VWDE: variants seen among roughly 807,000 people sequenced by gnomAD.
The protein encoded by VWDE is von Willebrand factor D and EGF domains, also known as von Willebrand factor D and EGF domain-containing protein.
A neutral mutation model predicts 178.4 loss-of-function variants in VWDE; 207 were observed. That is an observed-to-expected ratio of 1.16 (90% CI 1.04 to 1.30). The LOEUF (loss-of-function observed/expected upper bound fraction) is 1.30. Ranked by LOEUF, VWDE falls within the 50% of genes most tolerant of loss-of-function variation. The pLI, the probability that VWDE is intolerant of heterozygous loss-of-function variation, is 0.00. For missense variants in VWDE, 2,287 were observed against 1,901.3 expected, an observed-to-expected ratio of 1.20 and a Z score of -3.77; for synonymous variants, 738 against 651.4, an observed-to-expected ratio of 1.13 and a Z score of -2.02.
intron 1 of VWDE, among the ~76,000 whole-genome samples, chr7:12,395,437 G>A (rs1241679667): frequency 6.6e-6 from 1 of 152,060 alleles, no homozygotes; most frequent in Non-Finnish European, 1.5e-5. Context: ...TTTATTTTGT[G>A]TAGTATTCCT....
chr7:12,370,379 G>C lies in VWDE; in HGVS notation c.1927C>G (p.Arg643Gly), dbSNP rs1034078955. 18 of 1,550,530 alleles carry C rather than the reference G, an allele frequency of 1.2e-5. 1 individual carries two copies. The highest frequency in any genetic ancestry group is 1.5e-5 in the Non-Finnish European group (17 of 1,146,836). The change falls in exon 12 of 29, where the codon CGA becomes GGA. Residue 643 changes from arginine to glycine, a missense_variant. Arg to Gly is a moderately radical substitution (Grantham distance 125). Transcript: ENST00000275358. The stretch of plus-strand genomic sequence containing the variant: ...TTGCAACCCAAGGCAATTTCTGATC[G>C]AGAAACACTGTCCAGATCTTCGGAA... ...PSSEDLDSVS[R>G]SEIALGCKDL...
intron 12 of VWDE, among the ~76,000 whole-genome samples, chr7:12,367,834 A>T (rs1583312810): frequency 6.6e-6 from 1 of 152,172 alleles, no homozygotes. Context: ...GGCTTGTGCC[A>T]TATAGCTGGG....
chr7:12,355,847 C>G (rs1404802002), intron 18 of VWDE, among the ~76,000 whole-genome samples: 2 of 152,018 alleles, frequency 1.3e-5, no homozygotes, highest in Non-Finnish European at 1.5e-5. Flanking sequence ...CTACCAAATA[C>G]AGGTAGGAAT....
chr7:12,396,350 T>C (rs947820151), intron 1 of VWDE, among the ~76,000 whole-genome samples: 2 of 149,496 alleles, frequency 1.3e-5, no homozygotes, highest in African/African-American at 4.8e-5. Context: ...TTTTAAGAGA[T>C]AAACATGCAT....
At position 12,337,224 on chromosome 7, in the gene VWDE, T is replaced by G. The variant is rs1210588169; in HGVS notation, c.4415A>C (p.Asn1472Thr). 7.1e-6 allele frequency: 11 copies of G among 1,551,892 alleles called. No homozygotes were observed. The highest frequency in any genetic ancestry group is 1.2e-5 in the South Asian group (1 of 84,070). The change falls in exon 25 of 29, where the codon AAT becomes ACT. Residue 1472 changes from asparagine (N) to threonine (T), a missense_variant. Physicochemically the swap from Asn to Thr is moderately conservative, Grantham distance 65. Coordinates refer to ENST00000275358, the MANE Select transcript of VWDE (RefSeq NM_001135924.3). The part of the protein sequence containing the change: ...CKNGGHCMRN[N>T]VCVCREGYTG... ...GTATCCTTCACGACAGACGCACACA[T>G]TATTTCTCATGCAGTGGCCACCATT...
chr7:12,378,802 C>T (rs1232153439), intron 6 of VWDE, among the ~76,000 whole-genome samples: 1 of 152,190 alleles, frequency 6.6e-6, no homozygotes, highest in Non-Finnish European at 1.5e-5. Flanking sequence ...CAGGGTTTAT[C>T]CTGGTCCTGA....
chr7:12,396,908 C>T (rs1019116921), intron 1 of VWDE, among the ~76,000 whole-genome samples: 1 of 152,106 alleles, frequency 6.6e-6, no homozygotes, highest in Non-Finnish European at 1.5e-5. Context: ...ACACTCCAGC[C>T]TGGGCAACAA....
rs559077727 is a variant in VWDE at position 12,356,308 on chromosome 7, C to A, written c.3548G>T (p.Cys1183Phe). Residue 1183 changes from cysteine (C) to phenylalanine (F), a missense_variant, in exon 18 of 29, where the codon TGC becomes TTC. Physicochemically the swap from Cys to Phe is radical, Grantham distance 205 (BLOSUM62 -2). Transcript: ENST00000275358. ...TIEVTVKSCD[C>F]LNGGSCVSDR... ...AGATACACATGATCCACCATTCAAG[C>A]AATCACAAGACTTCACAGTCACCTA... The A allele has an allele frequency of 1.7e-5, 26 of 1,551,098 alleles. No individual in the cohort carries two copies. Among genetic ancestry groups the A allele is most frequent in the Non-Finnish European group, 2.3e-5 (26 of 1,146,730 alleles).
Position 12,389,235 on chromosome 7 carries a change from T to G in VWDE, c.367A>C (p.Thr123Pro). The G allele has an allele frequency of 6.4e-7, 1 of 1,551,722 alleles. No homozygotes were observed. The highest frequency in any genetic ancestry group is 8.7e-7 in the Non-Finnish European group (1 of 1,146,996). The change falls in exon 3 of 29, where the codon ACA becomes CCA. Residue 123 changes from threonine (T) to proline (P), a missense_variant. By Grantham distance (38) the Thr-to-Pro change is conservative. Coordinates refer to ENST00000275358, the MANE Select transcript of VWDE (RefSeq NM_001135924.3). The part of the protein sequence containing the change: ...CATWQFLFST[T>P]KDCCLFQIPV... ...ATTTGAAAGAGACAGCAGTCTTTTG[T>G]AGTGCTGAACAAAAACTGCCATGTT...
intron 1 of VWDE, among the ~76,000 whole-genome samples, chr7:12,400,256 A>G (rs1784837631): frequency 6.6e-6 from 1 of 152,156 alleles, no homozygotes; most frequent in Non-Finnish European, 1.5e-5. Flanking sequence ...TAGAAAAACA[A>G]TAGAGAAAAA....
chr7:12,352,199 AG>A (rs1286518523), intron 18 of VWDE, among the ~76,000 whole-genome samples: 7 of 152,214 alleles, frequency 4.6e-5, no homozygotes, highest in Non-Finnish European at 7.3e-5. Context: ...CTGTTATAGC[AG>A]CCCAAGCTAA....
rs542480588 is a variant in VWDE, at chr7:12,340,493, A to T, written c.4271-76T>A. 4.3e-5 allele frequency: 42 copies of T among 970,574 alleles called. No individual in the cohort carries two copies. In the Middle Eastern group the frequency reaches 8.6e-4, roughly 20 times the overall value. The allele number at this position is 970,574 out of a possible 1,614,324, so 60.1% of individuals were successfully genotyped here. A position where few individuals can be genotyped will look rare whatever the true frequency, so the allele number is the denominator to read the frequency against. On this transcript the variant is annotated intron_variant, in intron 23 of 28. Coordinates refer to ENST00000275358, the MANE Select transcript of VWDE (RefSeq NM_001135924.3). ...AATGAAAGCTGCACAGAAGTGCAAA[A>T]TGGTGCATAATGAAATATTTTATTT... is the stretch of plus-strand genomic sequence containing the variant.
intron 2 of VWDE, among the ~76,000 whole-genome samples, chr7:12,392,637 C>A (rs1784437367): frequency 6.6e-6 from 1 of 152,054 alleles, no homozygotes; most frequent in Non-Finnish European, 1.5e-5. Flanking sequence ...AGAAATCACA[C>A]TTTATGTTTT....
intron 2 of VWDE, among the ~76,000 whole-genome samples, chr7:12,391,583 A>G (rs1376502858): frequency 6.6e-6 from 1 of 152,240 alleles, no homozygotes; most frequent in Non-Finnish European, 1.5e-5. Context: ...AATTTTCTCA[A>G]GCTTTTCTTT....
intron 13 of VWDE, among the ~76,000 whole-genome samples, chr7:12,366,205 A>G (rs952105198): frequency 6.6e-6 from 1 of 152,074 alleles, no homozygotes; most frequent in African/African-American, 2.4e-5. Context: ...CTCAGGTAGT[A>G]TCTTTATAGC....
At position 12,370,352 on chromosome 7, in the gene VWDE, C is replaced by A. The variant is rs1783113029; in HGVS notation, c.1954G>T (p.Asp652Tyr). Residue 652 changes from aspartate (D) to tyrosine (Y), a missense_variant, in exon 12 of 29, where the codon GAC becomes TAC. Coordinates refer to ENST00000275358, the MANE Select transcript of VWDE (RefSeq NM_001135924.3). ...SRSEIALGCKDLNHVSLSSLI... is the reference protein window; with the variant it reads ...SRSEIALGCKYLNHVSLSSLI... Reference sequence around the variant, plus strand: ...GAAGATAAGCTGACATGATTGAGGTCTTTGCAACCCAAGGCAATTTCTGAT... The same window carrying A: ...GAAGATAAGCTGACATGATTGAGGTATTTGCAACCCAAGGCAATTTCTGAT... 2.6e-6 allele frequency: 4 copies of A among 1,551,178 alleles called. No homozygotes were observed. Among genetic ancestry groups the A allele is most frequent in the Non-Finnish European group, 2.6e-6 (3 of 1,146,828 alleles).
chr7:12,399,488 T>A (rs1489192516), intron 1 of VWDE, among the ~76,000 whole-genome samples: 1 of 152,152 alleles, frequency 6.6e-6, no homozygotes, highest in Non-Finnish European at 1.5e-5. Context: ...ATATTTGGAA[T>A]CTTTAATATC....
chr7:12,388,877 A>T (rs954274980), intron 3 of VWDE: 1 of 657,886 alleles, frequency 1.5e-6, no homozygotes, highest in Non-Finnish European at 2.9e-6. Context: ...ACACTCAATC[A>T]TTATGTCCAG....
rs933219430 is a variant in VWDE at position 12,361,658 on chromosome 7, A to G, written c.2899-137T>C. 4.0e-6 allele frequency: 3 copies of G among 758,088 alleles called. No homozygotes were observed. The Admixed American group carries it at 1.1e-4, about 28-fold the overall frequency. 47.0% of individuals were successfully genotyped at this position (758,088 alleles called of 1,614,324 possible). A position where few individuals can be genotyped will look rare whatever the true frequency, so the allele number is the denominator to read the frequency against. Reference sequence around the variant, plus strand: ...AATATATAACAGGGAAACAAAAGTCACATTGGGAGTGAGTTTTATTCAGAA... The same window carrying G: ...AATATATAACAGGGAAACAAAAGTCGCATTGGGAGTGAGTTTTATTCAGAA... On this transcript the variant is annotated intron_variant, in intron 13 of 28. Transcript: ENST00000275358.
Sources: allele counts gnomAD v4.1 joint callset (sites outside exome capture counted in the v4.1 genomes callset), GRCh38; gene constraint gnomAD v4.1.1; transcripts MANE v1.5; gene names NCBI Gene and HGNC (gene_info 2026-07-23, HGNC 2026-07-21).